Variants in COPS3 observed in about 807,000 individuals in gnomAD.
COPS3 encodes COP9 signalosome subunit 3.
Under a neutral mutation model 58.2 loss-of-function variants are expected in COPS3, and 10 were observed. The observed-to-expected ratio is 0.17, with a 90% CI of 0.11 to 0.29. COPS3 has a LOEUF of 0.29. COPS3 is among the 10% of genes least tolerant of loss of function. The pLI is 1.00. For missense variants in COPS3, 333 were observed against 510.1 expected (o/e 0.65, Z 3.34); for synonymous variants, 187 against 181.7 (o/e 1.03, Z -0.24).
At chr17:17,277,819 G>A (rs1321945839) in intron 1 of COPS3, among the ~76,000 whole-genome samples, 1 of 152,168 alleles carries the variant, frequency 6.6e-6, no homozygotes, top group East Asian at 1.9e-4. Context: ...ACTTTGGGAG[G>A]ATAAGGTGGG....
chr17:17,271,857 T>TATACAC (rs1206258950), intron 2 of COPS3, among the ~76,000 whole-genome samples: 4 of 135,250 alleles, frequency 3.0e-5, no homozygotes, highest in African/African-American at 1.1e-4. Flanking sequence ...TATATATATA[T>TATACAC]ACACACATAC....
At chr17:17,277,900 A>T (rs1027831490) in intron 1 of COPS3, among the ~76,000 whole-genome samples, 3 of 152,098 alleles carry the variant, frequency 2.0e-5, no homozygotes. Flanking sequence ...TTGGGAGGAT[A>T]AGGTGGGCAG....
At chr17:17,251,273 T>A (rs545357892) in intron 9 of COPS3, among the ~76,000 whole-genome samples, 1 of 147,522 alleles carries the variant, frequency 6.8e-6, no homozygotes, top group Admixed American at 6.8e-5. Context: ...GAATTACAGG[T>A]GTGAGCCACC....
intron 6 of COPS3, among the ~76,000 whole-genome samples, chr17:17,263,470 A>AT (rs2048151561): frequency 6.9e-6 from 1 of 145,774 alleles, no homozygotes; most frequent in Non-Finnish European, 1.5e-5. Context: ...GTGTGCTGGG[A>AT]TTACAGGTGT....
In COPS3 at chr17:17,249,047, A is replaced by C. The variant is rs2047782971; in HGVS notation, c.1024-8T>G. The stretch of plus-strand genomic sequence containing the variant: ...AATCTCACCATCTTCTATCTGCAGA[A>C]AGAAAAAAAAAAAAATCAGGAAAGC... On this transcript the variant is annotated splice_polypyrimidine_tract_variant and splice_region_variant and intron_variant, in intron 9 of 11. Transcript: ENST00000268717. 2 of 1,521,416 alleles carry C rather than the reference A, an allele frequency of 1.3e-6. No individual in the cohort carries two copies. The allele number at this position is 1,521,416 out of a possible 1,614,324, so 94.2% of individuals were successfully genotyped here. A position where few individuals can be genotyped will look rare whatever the true frequency, so the allele number is the denominator to read the frequency against.
intron 1 of COPS3, among the ~76,000 whole-genome samples, chr17:17,278,113 T>C (rs1050636547): frequency 6.6e-5 from 10 of 152,018 alleles, no homozygotes; most frequent in Non-Finnish European, 1.2e-4. Context: ...ATTGCGCCAC[T>C]GTACTCCAGC....
At chr17:17,263,734 G>A (rs139362087) in intron 6 of COPS3, among the ~76,000 whole-genome samples, 4,336 of 151,480 alleles carry the variant, frequency 0.029, 166 homozygotes, top group East Asian at 0.21. Flanking sequence ...GGCTGGTCTC[G>A]AACTCCCGAC....
intron 6 of COPS3, among the ~76,000 whole-genome samples, chr17:17,264,392 T>C (rs192332408): frequency 1.1e-4 from 17 of 152,318 alleles, no homozygotes; most frequent in Non-Finnish European, 2.1e-4. Context: ...CTTTCTACCC[T>C]TTAAATTTTG....
At chr17:17,271,091 T>G (rs2048330748) in intron 2 of COPS3, 83 bp from the exon 3 acceptor site, 1 of 923,080 alleles carries the variant, frequency 1.1e-6, no homozygotes, top group Middle Eastern at 2.3e-4. Context: ...AAATCCATCC[T>G]GCCTCCAATA....
At chr17:17,264,362 G>C (rs1180204943) in intron 6 of COPS3, among the ~76,000 whole-genome samples, 1 of 152,078 alleles carries the variant, frequency 6.6e-6, no homozygotes, top group African/African-American at 2.4e-5. Flanking sequence ...AAGGGTGGGA[G>C]GGACTTTTAC....
chr17:17,281,223 C>T lies in COPS3; in HGVS notation c.-37G>A. The T allele has an allele frequency of 1.9e-6, 3 of 1,595,618 alleles. No homozygotes were observed. The highest frequency in any genetic ancestry group is 2.3e-5 in the South Asian group (2 of 88,588). On this transcript the variant is annotated 5_prime_UTR_variant, in exon 1 of 12. The change creates a new upstream start codon in the 5' untranslated region. Coordinates refer to ENST00000268717, the MANE Select transcript of COPS3 (RefSeq NM_003653.4). ...GGCGGCCCGAGCGGCGAAGGCAGCA[C>T]GCGCGGGAAAAGGCTGCCGCTCTGG...
chr17:17,262,880 G>A (rs1483578736), intron 6 of COPS3, among the ~76,000 whole-genome samples: 1 of 151,508 alleles, frequency 6.6e-6, no homozygotes, highest in Non-Finnish European at 1.5e-5. Context: ...ACTGGCATGA[G>A]CCACCACGCC....
chr17:17,261,134 A>G (rs1224282399), intron 7 of COPS3, among the ~76,000 whole-genome samples: 1 of 152,192 alleles, frequency 6.6e-6, no homozygotes, highest in Non-Finnish European at 1.5e-5. Context: ...AATCATATAG[A>G]GAAGAAAGGA....
intron 2 of COPS3, among the ~76,000 whole-genome samples, chr17:17,274,665 C>T (rs1194350705): frequency 6.6e-6 from 1 of 151,938 alleles, no homozygotes; most frequent in Non-Finnish European, 1.5e-5. Flanking sequence ...ACTTGTGATC[C>T]ACCCGCCTTG....
At chr17:17,269,864 G>A (rs183790569) in intron 4 of COPS3, among the ~76,000 whole-genome samples, 91 of 152,198 alleles carry the variant, frequency 6.0e-4, no homozygotes, top group African/African-American at 1.8e-3. Flanking sequence ...TTATATTAAC[G>A]TTCATTTCTG....
At chr17:17,274,245 T>C (rs2048411627) in intron 2 of COPS3, among the ~76,000 whole-genome samples, 1 of 152,158 alleles carries the variant, frequency 6.6e-6, no homozygotes, top group Admixed American at 6.6e-5. Flanking sequence ...TTTTTATTTA[T>C]AAACTGGCAG....
At chr17:17,271,857 T>TATATACAC (rs1206258950) in intron 2 of COPS3, among the ~76,000 whole-genome samples, 2 of 135,268 alleles carry the variant, frequency 1.5e-5, no homozygotes, top group African/African-American at 5.3e-5. Flanking sequence ...TATATATATA[T>TATATACAC]ACACACATAC....
intron 9 of COPS3, among the ~76,000 whole-genome samples, chr17:17,253,535 C>T (rs2047896439): frequency 6.6e-6 from 1 of 152,108 alleles, no homozygotes. Context: ...TATTTCATTT[C>T]CTAAGCTGGA....
At chr17:17,251,219 C>G (rs990949707) in intron 9 of COPS3, among the ~76,000 whole-genome samples, 1 of 152,008 alleles carries the variant, frequency 6.6e-6, no homozygotes, top group Non-Finnish European at 1.5e-5. Flanking sequence ...TGCTCTCGAT[C>G]TCCTGACCTC....
Sources: allele counts gnomAD v4.1 joint callset (sites outside exome capture counted in the v4.1 genomes callset), GRCh38; gene constraint gnomAD v4.1.1; transcripts MANE v1.5; gene names NCBI Gene and HGNC (gene_info 2026-07-23, HGNC 2026-07-21).